The following COG5 variants were observed in gnomAD, a reference collection of about 807,000 sequenced individuals.
The protein encoded by COG5 is conserved oligomeric Golgi complex subunit 5.
A neutral mutation model predicts 110.4 loss-of-function variants in COG5; 86 were observed. The ratio of observed to expected loss-of-function variants is 0.78; its 90% confidence interval spans 0.65 to 0.93. COG5 has a LOEUF of 0.93. Ranked by LOEUF, COG5 falls within the 40% of genes least tolerant of loss-of-function variation. The pLI is 0.00. For synonymous variants in COG5, 360 were observed against 334.6 expected (o/e 1.08, Z -0.83); for missense variants, 1,077 against 987.0 (o/e 1.09, Z -1.22).
At chr7:107,451,632 T>A (rs1029828203) in intron 6 of COG5, among the ~76,000 whole-genome samples, 4 of 152,118 alleles carry the variant, frequency 2.6e-5, no homozygotes, top group South Asian at 2.1e-4. Context: ...AACCGACACT[T>A]CTTCTTCCTC....
chr7:107,234,504 T>A (rs1801014627), intron 18 of COG5, among the ~76,000 whole-genome samples: 1 of 152,184 alleles, frequency 6.6e-6, no homozygotes, highest in African/African-American at 2.4e-5. Flanking sequence ...ATACTTTCCA[T>A]CTTTCAGGAC....
intron 10 of COG5, among the ~76,000 whole-genome samples, chr7:107,325,926 G>A (rs973234887): frequency 2.0e-5 from 3 of 152,024 alleles, no homozygotes; most frequent in Non-Finnish European, 4.4e-5. Context: ...CTTATGCAAC[G>A]ATCAGAAAAT....
chr7:107,218,116 G>A (rs1016866955), intron 19 of COG5, among the ~76,000 whole-genome samples: 2 of 151,860 alleles, frequency 1.3e-5, no homozygotes, highest in African/African-American at 4.8e-5. Context: ...AAAATACTTA[G>A]GAATAAATGT....
chr7:107,407,613 T>C (rs947972698), intron 7 of COG5, among the ~76,000 whole-genome samples: 2 of 149,722 alleles, frequency 1.3e-5, no homozygotes, highest in African/African-American at 5.0e-5. Context: ...TTATTAAGCA[T>C]CTTCTTTTTT....
intron 7 of COG5, among the ~76,000 whole-genome samples, chr7:107,402,428 T>C (rs1259924878): frequency 6.6e-6 from 1 of 152,196 alleles, no homozygotes; most frequent in Non-Finnish European, 1.5e-5. Flanking sequence ...CTCATACTTG[T>C]TTACTGGGAA....
intron 7 of COG5, among the ~76,000 whole-genome samples, chr7:107,385,698 G>T (rs1378896069): frequency 2.6e-5 from 4 of 152,088 alleles, no homozygotes; most frequent in African/African-American, 9.7e-5. Context: ...GGTTTCCAGA[G>T]GTTAGGAGAA....
chr7:107,398,983 C>A (rs201730424), intron 7 of COG5, among the ~76,000 whole-genome samples: 2 of 152,086 alleles, frequency 1.3e-5, no homozygotes, highest in Non-Finnish European at 2.9e-5. Context: ...AGGGAGATCA[C>A]CTGAGGTCAG....
chr7:107,273,535 T>C (rs1273069751), intron 14 of COG5, among the ~76,000 whole-genome samples: 1 of 152,206 alleles, frequency 6.6e-6, no homozygotes, highest in African/African-American at 2.4e-5. Context: ...AAAAGCTCTA[T>C]AGTGTTAGGA....
chr7:107,437,608 C>T (rs958918952), intron 6 of COG5, among the ~76,000 whole-genome samples: 1 of 152,076 alleles, frequency 6.6e-6, no homozygotes, highest in Non-Finnish European at 1.5e-5. Flanking sequence ...CTCTTAGATA[C>T]TTCAGAAAGG....
intron 5 of COG5, among the ~76,000 whole-genome samples, chr7:107,529,604 G>C (rs997682548): frequency 6.6e-5 from 10 of 152,174 alleles, no homozygotes; most frequent in African/African-American, 2.4e-4. Context: ...TGGACATGTG[G>C]GCAGCCCACC....
chr7:107,411,364 C>T (rs1348881816), intron 7 of COG5, among the ~76,000 whole-genome samples: 4 of 150,498 alleles, frequency 2.7e-5, no homozygotes, highest in African/African-American at 2.4e-5. Flanking sequence ...TTTTTTTAAA[C>T]GGTGTAACAG....
rs558151188 is a variant in COG5 at position 107,274,915 on chromosome 7, C to T, written c.1575+6385G>A. ...TGACTTGCCACAGCCCCCAGAAAAT[C>T]AAGCTCTTACAAGTCTGAGAAGCAA... On this transcript the variant is annotated intron_variant, in intron 14 of 21. Coordinates refer to ENST00000297135, the MANE Select transcript of COG5 (RefSeq NM_006348.5). Among the ~76,000 whole-genome samples the T allele has an allele frequency of 2.6e-5, 4 of 152,200 alleles. No individual in the cohort carries two copies. The East Asian group carries it at 5.8e-4, about 22-fold the overall frequency.
chr7:107,491,185 T>C (rs1354239909), intron 6 of COG5, among the ~76,000 whole-genome samples: 3 of 152,156 alleles, frequency 2.0e-5, no homozygotes, highest in Admixed American at 6.6e-5. Context: ...ACAAAATACC[T>C]TCTCTCTATC....
chr7:107,541,748 T>C (rs1421805504), intron 5 of COG5, among the ~76,000 whole-genome samples: 2 of 150,550 alleles, frequency 1.3e-5, no homozygotes, highest in African/African-American at 2.4e-5. Flanking sequence ...CTGGCCAATA[T>C]GTTGAAACCC....
At chr7:107,215,963 C>A (rs1025470085) in intron 19 of COG5, among the ~76,000 whole-genome samples, 1 of 152,088 alleles carries the variant, frequency 6.6e-6, no homozygotes. Flanking sequence ...CCCACCTCGG[C>A]CTCCCAAAGT....
intron 10 of COG5, among the ~76,000 whole-genome samples, chr7:107,360,231 T>C (rs1244138999): frequency 6.6e-6 from 1 of 152,124 alleles, no homozygotes; most frequent in African/African-American, 2.4e-5. Flanking sequence ...AGGTCACCTC[T>C]CCACTAAGAG....
chr7:107,293,784 T>C (rs1362346674), intron 12 of COG5, among the ~76,000 whole-genome samples: 1 of 152,006 alleles, frequency 6.6e-6, no homozygotes, highest in African/African-American at 2.4e-5. Context: ...AAAATGTACA[T>C]GATGATGGCA....
chr7:107,558,934 AAC>A (rs766137541), intron 1 of COG5, among the ~76,000 whole-genome samples: 9,872 of 74,550 alleles, frequency 0.13, 407 homozygotes, highest in Non-Finnish European at 0.21. Flanking sequence ...AAAAAAAAAA[AAC>A]CATAACTACT....
intron 1 of COG5, chr7:107,563,411 G>A (rs1804093496): frequency 6.4e-6 from 2 of 314,230 alleles, no homozygotes; most frequent in African/African-American, 2.2e-5. Flanking sequence ...TGCGTCTGCC[G>A]TCTGTTCTAG....
Sources: allele counts gnomAD v4.1 joint callset (sites outside exome capture counted in the v4.1 genomes callset), GRCh38; gene constraint gnomAD v4.1.1; transcripts MANE v1.5; gene names NCBI Gene and HGNC (gene_info 2026-07-23, HGNC 2026-07-21).